Variants in SND1 observed in about 807,000 individuals in gnomAD.
The protein encoded by SND1 is staphylococcal nuclease domain-containing protein 1.
In SND1, 38 loss-of-function variants were observed where a neutral mutation model predicts 121.7. The observed-to-expected ratio is 0.31, with a 90% CI of 0.24 to 0.41. The LOEUF (loss-of-function observed/expected upper bound fraction) is 0.41. Ranked by LOEUF, SND1 falls within the 10% of genes least tolerant of loss-of-function variation. The pLI is 1.00. For synonymous variants in SND1, 401 were observed against 447.4 expected (o/e 0.90, Z 1.31); for missense variants, 868 against 1,184.6 (o/e 0.73, Z 3.92).
At chr7:128,062,758 T>C (rs546579433) in intron 16 of SND1, among the ~76,000 whole-genome samples, 1 of 152,310 alleles carries the variant, frequency 6.6e-6, no homozygotes, top group South Asian at 2.1e-4. Context: ...TGTCTTATCC[T>C]GGCAGCTTTT....
At chr7:127,822,103 C>T (rs1029793278) in intron 11 of SND1, among the ~76,000 whole-genome samples, 1 of 151,984 alleles carries the variant, frequency 6.6e-6, no homozygotes, top group Non-Finnish European at 1.5e-5. Flanking sequence ...AAGTTAGAGA[C>T]CTTTCTTTTG....
intron 11 of SND1, among the ~76,000 whole-genome samples, chr7:127,823,070 A>G (rs1477137912): frequency 6.6e-6 from 1 of 152,246 alleles, no homozygotes; most frequent in East Asian, 1.9e-4. Flanking sequence ...GCAGTACACA[A>G]TATGACAAAT....
intron 10 of SND1, among the ~76,000 whole-genome samples, chr7:127,795,332 A>G (rs1260263278): frequency 6.6e-6 from 1 of 152,184 alleles, no homozygotes; most frequent in African/African-American, 2.4e-5. Flanking sequence ...CTTTTCTTCC[A>G]ATTTAACCTC....
intron 10 of SND1, among the ~76,000 whole-genome samples, chr7:127,758,036 T>A (rs1289287642): frequency 6.6e-6 from 1 of 152,202 alleles, no homozygotes; most frequent in East Asian, 1.9e-4. Context: ...TCTTCCTGAC[T>A]CTCAGAGGAA....
At chr7:127,868,268 C>A (rs1799516009) in intron 12 of SND1, among the ~76,000 whole-genome samples, 1 of 151,858 alleles carries the variant, frequency 6.6e-6, no homozygotes, top group South Asian at 2.1e-4. Flanking sequence ...GCCTATAGTC[C>A]CAGGTACTCA....
At chr7:127,709,075 G>C (rs1796254585) in intron 9 of SND1, among the ~76,000 whole-genome samples, 1 of 152,156 alleles carries the variant, frequency 6.6e-6, no homozygotes, top group Non-Finnish European at 1.5e-5. Context: ...GCAGCTGTGA[G>C]GTGAGCCAAA....
intron 15 of SND1, among the ~76,000 whole-genome samples, chr7:127,978,917 C>T (rs1338760133): frequency 6.6e-6 from 1 of 151,992 alleles, no homozygotes; most frequent in East Asian, 1.9e-4. Context: ...GAACTCCTGA[C>T]CTCAGGTGAT....
chr7:128,007,341 C>T (rs1803005238), intron 16 of SND1, among the ~76,000 whole-genome samples: 1 of 152,190 alleles, frequency 6.6e-6, no homozygotes, highest in African/African-American at 2.4e-5. Context: ...TGAAAAGTGG[C>T]TCCCTGCTTT....
intron 1 of SND1, among the ~76,000 whole-genome samples, chr7:127,668,800 C>G (rs1795463932): frequency 6.6e-6 from 1 of 152,220 alleles, no homozygotes; most frequent in African/African-American, 2.4e-5. Context: ...GGCATGATCT[C>G]TAGGCAAGCA....
At chr7:127,941,061 A>G (rs1400436830) in intron 15 of SND1, among the ~76,000 whole-genome samples, 1 of 152,218 alleles carries the variant, frequency 6.6e-6, no homozygotes, top group Non-Finnish European at 1.5e-5. Flanking sequence ...CTGGCCTATG[A>G]GGAGCAAGAA....
intron 16 of SND1, among the ~76,000 whole-genome samples, chr7:128,063,800 G>A (rs1793269648): frequency 6.6e-6 from 1 of 152,264 alleles, no homozygotes; most frequent in African/African-American, 2.4e-5. Flanking sequence ...TGAAGTCATA[G>A]GACGGAACAT....
At chr7:127,918,042 C>A (rs1800621899) in intron 14 of SND1, among the ~76,000 whole-genome samples, 1 of 144,404 alleles carries the variant, frequency 6.9e-6, no homozygotes, top group South Asian at 2.2e-4. Context: ...GCTTAATCGG[C>A]CATAGATTTT....
At chr7:127,674,021 C>T (rs1019460540) in intron 1 of SND1, among the ~76,000 whole-genome samples, 3 of 151,676 alleles carry the variant, frequency 2.0e-5, no homozygotes, top group Non-Finnish European at 2.9e-5. Context: ...CCTTCTCCTT[C>T]CTTCTCCTCC....
At chr7:127,745,539 A>C (rs1465415081) in intron 10 of SND1, among the ~76,000 whole-genome samples, 1 of 152,096 alleles carries the variant, frequency 6.6e-6, no homozygotes, top group African/African-American at 2.4e-5. Flanking sequence ...TGCTTGGGTT[A>C]CCAGAATCTT....
intron 16 of SND1, chr7:127,997,619 A>T: frequency 2.1e-6 from 1 of 467,504 alleles, no homozygotes; most frequent in South Asian, 1.7e-5. Context: ...TTGTTTAAAA[A>T]ATATAACTCC....
chr7:128,034,042 G>A lies in SND1; in HGVS notation c.1780-40460G>A, dbSNP rs116753447. Among the ~76,000 whole-genome samples the A allele has an allele frequency of 6.3e-3, 961 of 152,308 alleles. 10 individuals carry two copies. The highest frequency in any genetic ancestry group is 0.037 in the South Asian group (178 of 4,824). ...TTCACAGATGAAGGCACTTAGCTTA[G>A]GCAGGCAAATAACTTGCCCAAGGTC... is the stretch of plus-strand genomic sequence containing the variant. On this transcript the variant is annotated intron_variant, in intron 16 of 23. Transcript: ENST00000354725.
At chr7:127,730,232 G>T (rs1379842765) in intron 10 of SND1, among the ~76,000 whole-genome samples, 2 of 152,192 alleles carry the variant, frequency 1.3e-5, no homozygotes, top group Non-Finnish European at 2.9e-5. Context: ...TTCCCAAAGT[G>T]CTGGGATTAC....
At chr7:128,008,505 T>C (rs1183655826) in intron 16 of SND1, among the ~76,000 whole-genome samples, 1 of 151,948 alleles carries the variant, frequency 6.6e-6, no homozygotes, top group African/African-American at 2.4e-5. Context: ...TGTTTTGATT[T>C]TTGAATTGAG....
At chr7:127,988,723 A>C (rs1259292843) in intron 15 of SND1, among the ~76,000 whole-genome samples, 1 of 152,170 alleles carries the variant, frequency 6.6e-6, no homozygotes, top group Non-Finnish European at 1.5e-5. Context: ...TTATGCCCTC[A>C]TAGTGAAAAT....
Sources: gnomAD v4.1 joint callset for allele counts (sites outside exome capture counted in the v4.1 genomes callset) on GRCh38, gnomAD v4.1.1 for gene constraint, MANE v1.5 for transcripts, NCBI Gene and HGNC (gene_info 2026-07-23, HGNC 2026-07-21) for gene names.